The following ABHD17C variants were observed in gnomAD, a reference collection of about 807,000 sequenced individuals.
ABHD17C encodes the protein alpha/beta hydrolase domain-containing protein 17C.
A neutral mutation model predicts 27.9 loss-of-function variants in ABHD17C; 11 were observed. That is an observed-to-expected ratio of 0.39 (90% CI 0.25 to 0.65). The LOEUF (loss-of-function observed/expected upper bound fraction) is 0.65, where lower values mean the gene tolerates loss of function less well. ABHD17C is among the 30% of genes least tolerant of loss of function. The probability of loss-of-function intolerance (pLI) is 0.45; values close to 1 mark genes in which losing one functional copy is unlikely to be tolerated. For synonymous variants in ABHD17C, 233 were observed against 209.1 expected (o/e 1.11, Z -0.98); for missense variants, 280 against 470.2 (o/e 0.60, Z 3.74).
chr15:80,750,566 T>C (rs1359703898), intron 2 of ABHD17C, among the ~76,000 whole-genome samples: 1 of 152,128 alleles, frequency 6.6e-6, no homozygotes, highest in Non-Finnish European at 1.5e-5. Context: ...AAATAAAAGA[T>C]CATCGTTTGG....
chr15:80,728,902 C>G (rs115990457), intron 1 of ABHD17C, among the ~76,000 whole-genome samples: 1 of 152,314 alleles, frequency 6.6e-6, no homozygotes, highest in South Asian at 2.1e-4. Context: ...TGAGCCACCA[C>G]GCCCGGCCTA....
chr15:80,716,348 T>G (rs1419654229), intron 1 of ABHD17C, among the ~76,000 whole-genome samples: 2 of 152,162 alleles, frequency 1.3e-5, no homozygotes, highest in African/African-American at 4.8e-5. Flanking sequence ...CCGACATGCT[T>G]CTGTCTCAAG....
In ABHD17C at chr15:80,755,373, A is replaced by G. The variant is rs1895419039; in HGVS notation, c.*1003A>G. 6.6e-6 allele frequency: 1 copy of G among 152,214 alleles called. No homozygotes were observed. The highest frequency in any genetic ancestry group is 2.4e-5 in the African/African-American group (1 of 41,452). 9.4% of individuals were successfully genotyped at this position (152,214 alleles called of 1,614,324 possible). On this transcript the variant is annotated 3_prime_UTR_variant, in exon 3 of 3. Coordinates refer to ENST00000258884, the MANE Select transcript of ABHD17C (RefSeq NM_021214.2). The stretch of plus-strand genomic sequence containing the variant: ...GTTTAGGAATTATTTGGGTTTTGAC[A>G]CTGGAAGTTGCGCCAAATAAGCATC...
At chr15:80,735,487 A>G (rs989689504) in intron 1 of ABHD17C, among the ~76,000 whole-genome samples, 1 of 151,690 alleles carries the variant, frequency 6.6e-6, no homozygotes, top group Non-Finnish European at 1.5e-5. Flanking sequence ...TGCCACTCTC[A>G]CCACCCACCT....
At chr15:80,725,754 C>T (rs1446703774) in intron 1 of ABHD17C, among the ~76,000 whole-genome samples, 1 of 152,148 alleles carries the variant, frequency 6.6e-6, no homozygotes, top group Non-Finnish European at 1.5e-5. Context: ...CTGTGATCCT[C>T]CCACATTGGC....
intron 1 of ABHD17C, among the ~76,000 whole-genome samples, chr15:80,722,316 G>A: frequency 6.8e-6 from 1 of 147,820 alleles, no homozygotes; most frequent in African/African-American, 2.5e-5. Flanking sequence ...AGAAGCCAAA[G>A]GAATCTTTTT....
chr15:80,705,941 C>G (rs1894642128), intron 1 of ABHD17C, among the ~76,000 whole-genome samples: 1 of 152,208 alleles, frequency 6.6e-6, no homozygotes, highest in Non-Finnish European at 1.5e-5. Context: ...GCAAACCATT[C>G]CTGGTTTGCC....
At chr15:80,708,115 GT>G (rs1894673334) in intron 1 of ABHD17C, among the ~76,000 whole-genome samples, 1 of 152,078 alleles carries the variant, frequency 6.6e-6, no homozygotes, top group Admixed American at 6.5e-5. Context: ...AAGTCACAGA[GT>G]CCTCTGTGGT....
intron 1 of ABHD17C, among the ~76,000 whole-genome samples, chr15:80,704,357 G>T (rs947158396): frequency 6.6e-6 from 1 of 151,964 alleles, no homozygotes; most frequent in African/African-American, 2.4e-5. Flanking sequence ...GCACATCACT[G>T]TGGCCCACCC....
At chr15:80,727,558 A>G (rs1894998645) in intron 1 of ABHD17C, among the ~76,000 whole-genome samples, 1 of 152,132 alleles carries the variant, frequency 6.6e-6, no homozygotes. Flanking sequence ...AATAAAGACA[A>G]TTTCCTAGAG....
At chr15:80,731,476 A>C (rs1895055981) in intron 1 of ABHD17C, among the ~76,000 whole-genome samples, 1 of 152,174 alleles carries the variant, frequency 6.6e-6, no homozygotes, top group African/African-American at 2.4e-5. Flanking sequence ...AGTCATCATC[A>C]TGTTTAAATA....
chr15:80,721,294 G>T (rs776876075), intron 1 of ABHD17C, among the ~76,000 whole-genome samples: 7 of 150,614 alleles, frequency 4.6e-5, no homozygotes, highest in Non-Finnish European at 1.0e-4. Flanking sequence ...ATAAATCCAA[G>T]AGTATACTTA....
intron 1 of ABHD17C, among the ~76,000 whole-genome samples, chr15:80,729,746 G>A (rs12900485): frequency 0.22 from 33,253 of 152,196 alleles, 4,134 homozygotes; most frequent in South Asian, 0.3. Context: ...TGATATGTTC[G>A]AGAACCTAAT....
At chr15:80,715,379 T>C (rs1894790282) in intron 1 of ABHD17C, among the ~76,000 whole-genome samples, 1 of 152,312 alleles carries the variant, frequency 6.6e-6, no homozygotes, top group South Asian at 2.1e-4. Flanking sequence ...GCAAGGACAG[T>C]AGAGCCAGAC....
At chr15:80,707,053 ACTT>A (rs1348091316) in intron 1 of ABHD17C, among the ~76,000 whole-genome samples, 4 of 152,230 alleles carry the variant, frequency 2.6e-5, no homozygotes, top group South Asian at 2.1e-4. Flanking sequence ...CCAAGGGAAA[ACTT>A]CTTTGTGCGC....
At chr15:80,709,214 C>T (rs1026761183) in intron 1 of ABHD17C, among the ~76,000 whole-genome samples, 2 of 151,492 alleles carry the variant, frequency 1.3e-5, no homozygotes, top group Non-Finnish European at 2.9e-5. Context: ...TGGGGCCTGG[C>T]GTAGTGGCTC....
At chr15:80,715,998 A>G (rs541275062) in intron 1 of ABHD17C, among the ~76,000 whole-genome samples, 1 of 152,304 alleles carries the variant, frequency 6.6e-6, no homozygotes, top group South Asian at 2.1e-4. Flanking sequence ...TTCTTGAGCC[A>G]TGATAACCTA....
intron 1 of ABHD17C, among the ~76,000 whole-genome samples, chr15:80,713,717 G>A (rs900724440): frequency 3.0e-4 from 46 of 151,988 alleles, no homozygotes; most frequent in Non-Finnish European, 5.6e-4. Flanking sequence ...GCTGAGGCAC[G>A]AGAATGGCTT....
At chr15:80,721,399 G>A (rs1015306377) in intron 1 of ABHD17C, among the ~76,000 whole-genome samples, 2 of 152,082 alleles carry the variant, frequency 1.3e-5, no homozygotes, top group Admixed American at 6.5e-5. Context: ...TTGTATGTTG[G>A]TAGGTTAGCT....
Sources: allele counts gnomAD v4.1 joint callset (sites outside exome capture counted in the v4.1 genomes callset), GRCh38; gene constraint gnomAD v4.1.1; transcripts MANE v1.5; gene names NCBI Gene and HGNC (gene_info 2026-07-23, HGNC 2026-07-21).